The following PCBP3 variants were observed in gnomAD, a reference collection of about 807,000 sequenced individuals.
PCBP3 encodes the protein poly(rC)-binding protein 3.
A neutral mutation model predicts 52.7 loss-of-function variants in PCBP3; 25 were observed. That is an observed-to-expected ratio of 0.47 (90% CI 0.35 to 0.66). The LOEUF (loss-of-function observed/expected upper bound fraction) is 0.66, where lower values mean the gene tolerates loss of function less well. Ranked by LOEUF, PCBP3 falls within the 30% of genes least tolerant of loss-of-function variation. The probability of loss-of-function intolerance (pLI) is 0.01; values close to 1 mark genes in which losing one functional copy is unlikely to be tolerated. For missense variants in PCBP3, 391 were observed against 490.3 expected, an observed-to-expected ratio of 0.80 and a Z score of 1.91; for synonymous variants, 162 against 183.0, an observed-to-expected ratio of 0.89 and a Z score of 0.93.
At chr21:45,674,254 T>C (rs1310222178) in intron 2 of PCBP3, among the ~76,000 whole-genome samples, 4 of 152,216 alleles carry the variant, frequency 2.6e-5, no homozygotes, top group Non-Finnish European at 5.9e-5. Context: ...GGAAGACCAA[T>C]TCATTGTAAG....
chr21:45,902,915 C>T (rs911971828), intron 9 of PCBP3, among the ~76,000 whole-genome samples: 1 of 152,270 alleles, frequency 6.6e-6, no homozygotes, highest in Non-Finnish European at 1.5e-5. Flanking sequence ...TTTCTGACCG[C>T]ACTTTCTGCC....
At chr21:45,775,938 T>C (rs1209150302) in intron 4 of PCBP3, among the ~76,000 whole-genome samples, 1 of 152,260 alleles carries the variant, frequency 6.6e-6, no homozygotes, top group African/African-American at 2.4e-5. Context: ...ACTGTTAATT[T>C]GTAAGCTGTC....
intron 4 of PCBP3, among the ~76,000 whole-genome samples, chr21:45,843,558 G>T (rs910624324): frequency 4.6e-5 from 7 of 152,032 alleles, no homozygotes; most frequent in African/African-American, 1.5e-4. Context: ...GAGTTCTGTT[G>T]CAGCTGTTTG....
chr21:45,753,810 T>C (rs1404084185), intron 3 of PCBP3, among the ~76,000 whole-genome samples: 1 of 152,224 alleles, frequency 6.6e-6, no homozygotes, highest in African/African-American at 2.4e-5. Flanking sequence ...TGCTCACCTC[T>C]GATTATTCTC....
At chr21:45,779,612 T>C (rs530642627) in intron 4 of PCBP3, among the ~76,000 whole-genome samples, 2 of 152,306 alleles carry the variant, frequency 1.3e-5, no homozygotes, top group African/African-American at 4.8e-5. Context: ...GAAAAAAATA[T>C]TATTTTTAAT....
At chr21:45,913,800 C>T in intron 11 of PCBP3, 151 bp from the exon 12 acceptor site, 1 of 686,680 alleles carries the variant, frequency 1.5e-6, no homozygotes, top group Non-Finnish European at 2.4e-6. Context: ...CTTCACTCCC[C>T]TCCCCCAGCA....
intron 7 of PCBP3, among the ~76,000 whole-genome samples, chr21:45,900,090 C>T (rs1271129944): frequency 6.6e-6 from 1 of 152,220 alleles, no homozygotes; most frequent in Non-Finnish European, 1.5e-5. Flanking sequence ...GTGAGGGCCA[C>T]CTCCCTGTCT....
intron 2 of PCBP3, among the ~76,000 whole-genome samples, chr21:45,722,498 G>C (rs1418874796): frequency 6.6e-6 from 1 of 152,054 alleles, no homozygotes; most frequent in Non-Finnish European, 1.5e-5. Context: ...CCTGATCTTT[G>C]AAATGCAGAA....
intron 5 of PCBP3, among the ~76,000 whole-genome samples, chr21:45,854,568 C>T (rs1045265907): frequency 2.6e-5 from 4 of 152,214 alleles, no homozygotes; most frequent in African/African-American, 9.7e-5. Context: ...GGTTCATCTA[C>T]ACTGTGGCAT....
In PCBP3 at chr21:45,707,018, G is replaced by T. The variant is rs563766252; in HGVS notation, c.-199-28374G>T. Reference sequence around the variant, plus strand: ...CCTTTTCTGTAACTTTTATTTCTAGGCCCCTAAGGTCAGCTTCTGCTTGCT... The same window carrying T: ...CCTTTTCTGTAACTTTTATTTCTAGTCCCCTAAGGTCAGCTTCTGCTTGCT... On this transcript the variant is annotated intron_variant, in intron 2 of 17. Coordinates refer to ENST00000681687, the MANE Select transcript of PCBP3 (RefSeq NM_001384156.1). 4.6e-5 allele frequency among the ~76,000 whole-genome samples: 7 copies of T among 152,268 alleles called. No individual in the cohort carries two copies. The South Asian group carries it at 1.5e-3, about 32-fold the overall frequency.
chr21:45,646,107 C>G (rs13048485), intron 1 of PCBP3, among the ~76,000 whole-genome samples: 26,870 of 84,656 alleles, frequency 0.32, 5,151 homozygotes, highest in East Asian at 0.66. Flanking sequence ...CTCTCTCTCT[C>G]TGTGTGTGTG....
intron 4 of PCBP3, among the ~76,000 whole-genome samples, chr21:45,849,518 T>C (rs1021505647): frequency 6.6e-6 from 1 of 152,102 alleles, no homozygotes; most frequent in African/African-American, 2.4e-5. Context: ...AAATGTGCCT[T>C]TTTTTTCCAA....
At chr21:45,748,688 G>T (rs1460461651) in intron 3 of PCBP3, among the ~76,000 whole-genome samples, 1 of 152,266 alleles carries the variant, frequency 6.6e-6, no homozygotes, top group Non-Finnish European at 1.5e-5. Context: ...AGCAGGGCTG[G>T]TTGCAGTTGG....
intron 2 of PCBP3, among the ~76,000 whole-genome samples, chr21:45,679,448 A>G (rs1603246595): frequency 1.3e-5 from 2 of 152,208 alleles, no homozygotes; most frequent in African/African-American, 2.4e-5. Flanking sequence ...AAATTAAGGT[A>G]TGTACATTGT....
At chr21:45,935,609 C>T (rs1307502576) in intron 16 of PCBP3, 3 of 488,010 alleles carry the variant, frequency 6.1e-6, no homozygotes, top group Non-Finnish European at 1.2e-5. Flanking sequence ...GGAGGCACTG[C>T]CCTGGTGCGG....
rs553449480 is a variant in PCBP3, at chr21:45,853,854, A to C, written c.10+3759A>C. The C allele has an allele frequency of 6.6e-6, 1 of 152,406 alleles. No homozygotes were observed. Among genetic ancestry groups the C allele is most frequent in the South Asian group, 2.1e-4 (1 of 4,828 alleles). The allele number at this position is 152,406 out of a possible 1,614,324, so 9.4% of individuals were successfully genotyped here. A position where few individuals can be genotyped will look rare whatever the true frequency, so the allele number is the denominator to read the frequency against. Reference sequence around the variant, plus strand: ...TGGGCTCCTGCGTGGTGGCAGTGGCAGGTGGTGGTGATAAGGGCCGGTGAG... The same window carrying C: ...TGGGCTCCTGCGTGGTGGCAGTGGCCGGTGGTGGTGATAAGGGCCGGTGAG... On this transcript the variant is annotated intron_variant, in intron 5 of 17. Coordinates refer to ENST00000681687, the MANE Select transcript of PCBP3 (RefSeq NM_001384156.1). The surrounding 1 kb of genome is among the most constrained non-coding windows in gnomAD (Gnocchi z 4.6).
chr21:45,685,055 T>C (rs1039929975), intron 2 of PCBP3, among the ~76,000 whole-genome samples: 8 of 152,152 alleles, frequency 5.3e-5, no homozygotes, highest in African/African-American at 1.9e-4. Context: ...ACATTTTGAG[T>C]ATTACAAACC....
At chr21:45,872,624 C>T (rs530647740) in intron 5 of PCBP3, 1 of 152,358 alleles carries the variant, frequency 6.6e-6, no homozygotes, top group East Asian at 1.9e-4. Flanking sequence ...GCTCAGTGTC[C>T]AGGCCCCGGA....
chr21:45,751,153 C>T lies in PCBP3; in HGVS notation c.-161-4264C>T, dbSNP rs1011297162. On this transcript the variant is annotated intron_variant, in intron 3 of 17. Transcript: ENST00000681687. The stretch of plus-strand genomic sequence containing the variant: ...AAGGAAACTGGCAAACACTACAGGC[C>T]GGGTCCTCCCTCCCACCTCAGGAGC... The T allele has an allele frequency of 5.9e-5, 9 of 152,048 alleles. No homozygotes were observed. The South Asian group carries it at 1.5e-3, about 25-fold the overall frequency. The allele number at this position is 152,048 out of a possible 1,614,324, so 9.4% of individuals were successfully genotyped here.
Sources: gnomAD v4.1 joint callset for allele counts (sites outside exome capture counted in the v4.1 genomes callset) on GRCh38, gnomAD v4.1.1 for gene constraint, Gnocchi (gnomAD v3.1) non-coding constraint, MANE v1.5 for transcripts, NCBI Gene and HGNC (gene_info 2026-07-23, HGNC 2026-07-21) for gene names.